FBXL13: variants seen among roughly 807,000 people sequenced by gnomAD.
FBXL13 encodes F-box and leucine-rich repeat protein 13.
Under a neutral mutation model 83.6 loss-of-function variants are expected in FBXL13, and 67 were observed. That is an observed-to-expected ratio of 0.80 (90% CI 0.66 to 0.98). The LOEUF (loss-of-function observed/expected upper bound fraction) is 0.98. Among genes scored for constraint, FBXL13 ranks in the 50% least tolerant of loss-of-function variants. The pLI is 0.00. For synonymous variants in FBXL13, 272 were observed against 299.5 expected, an observed-to-expected ratio of 0.91 and a Z score of 0.95; for missense variants, 822 against 866.5, an observed-to-expected ratio of 0.95 and a Z score of 0.64.
At chr7:102,891,521 G>C (rs1187406343) in intron 11 of FBXL13, among the ~76,000 whole-genome samples, 2 of 152,216 alleles carry the variant, frequency 1.3e-5, no homozygotes, top group Non-Finnish European at 1.5e-5. Flanking sequence ...CTGGTGCAGA[G>C]TGTTTGTTAA....
At chr7:102,985,322 C>T (rs2129483886) in intron 6 of FBXL13, among the ~76,000 whole-genome samples, 1 of 152,348 alleles carries the variant, frequency 6.6e-6, no homozygotes, top group East Asian at 1.9e-4. Flanking sequence ...GCACTTCACA[C>T]TATCCAGAAC....
intron 6 of FBXL13, among the ~76,000 whole-genome samples, chr7:103,021,944 T>C (rs1793230476): frequency 6.6e-6 from 1 of 152,116 alleles, no homozygotes; most frequent in Non-Finnish European, 1.5e-5. Context: ...GATCTAGAAC[T>C]AGAATTACCA....
At chr7:103,040,695 G>C (rs1028243609) in intron 2 of FBXL13, among the ~76,000 whole-genome samples, 1 of 152,144 alleles carries the variant, frequency 6.6e-6, no homozygotes, top group Non-Finnish European at 1.5e-5. Flanking sequence ...CAACTACATG[G>C]AAACTGAACA....
At chr7:103,011,719 G>A (rs1199308214) in intron 6 of FBXL13, among the ~76,000 whole-genome samples, 16 of 151,072 alleles carry the variant, frequency 1.1e-4, no homozygotes, top group Non-Finnish European at 2.1e-4. Context: ...ATTAACAGCA[G>A]AATCAACCAG....
intron 6 of FBXL13, among the ~76,000 whole-genome samples, chr7:102,976,438 G>A (rs970197504): frequency 2.0e-5 from 3 of 151,844 alleles, no homozygotes; most frequent in South Asian, 4.2e-4. Flanking sequence ...GCCCAACTCC[G>A]CTCCAAGGCA....
At chr7:102,987,133 T>A (rs1417443178) in intron 6 of FBXL13, among the ~76,000 whole-genome samples, 1 of 152,008 alleles carries the variant, frequency 6.6e-6, no homozygotes, top group Non-Finnish European at 1.5e-5. Context: ...AGTGGTATAA[T>A]AGACACTGGA....
At chr7:103,029,496 GA>G in intron 2 of FBXL13, 78 bp from the exon 4 acceptor site, 1 of 770,732 alleles carries the variant, frequency 1.3e-6, no homozygotes, top group Non-Finnish European at 1.9e-6. Context: ...AGATACTCAA[GA>G]AAAAGAGAGC....
At chr7:103,067,684 A>C (rs1427457480) in intron 1 of FBXL13, among the ~76,000 whole-genome samples, 1 of 152,208 alleles carries the variant, frequency 6.6e-6, no homozygotes, top group African/African-American at 2.4e-5. Flanking sequence ...TAGGTAAGGA[A>C]GCCTTCAAGA....
chr7:102,875,722 G>A (rs1297470248), intron 16 of FBXL13, among the ~76,000 whole-genome samples: 5 of 152,120 alleles, frequency 3.3e-5, no homozygotes, highest in Non-Finnish European at 7.4e-5. Context: ...GAAGCCAAAT[G>A]GGACAGTGAC....
intron 6 of FBXL13, among the ~76,000 whole-genome samples, chr7:103,023,269 C>A (rs1415528932): frequency 6.6e-6 from 1 of 152,014 alleles, no homozygotes; most frequent in Non-Finnish European, 1.5e-5. Context: ...GAATGAGACT[C>A]CGTCTCAAAC....
rs192077595 is a variant in FBXL13 at position 102,893,499 on chromosome 7, G to A, written c.1009-9187C>T. On this transcript the variant is annotated intron_variant, in intron 11 of 19. Coordinates refer to ENST00000313221, the Ensembl canonical transcript of FBXL13. ...AAGAAAGGAGAGGCTGGGCGCGGTG[G>A]CTCGCGCCTGTAATCCCAGCACTTT... 1.3e-4 allele frequency among the ~76,000 whole-genome samples: 20 copies of A among 152,298 alleles called. No individual in the cohort carries two copies. In the East Asian group the frequency reaches 3.7e-3, roughly 28 times the overall value.
chr7:102,864,083 G>C (rs111597139), intron 16 of FBXL13, among the ~76,000 whole-genome samples: 5 of 152,180 alleles, frequency 3.3e-5, no homozygotes, highest in African/African-American at 1.2e-4. Context: ...CCTACTCAGA[G>C]TTCTTCAATG....
intron 8 of FBXL13, among the ~76,000 whole-genome samples, chr7:102,946,653 TA>T (rs1223397358): frequency 2.1e-3 from 12 of 5,710 alleles, no homozygotes; most frequent in Non-Finnish European, 8.2e-3. Flanking sequence ...ATTTTTATTT[TA>T]TTTATTTATT....
chr7:102,823,985 A>G (rs1240614635), intron 18 of FBXL13, among the ~76,000 whole-genome samples: 1 of 152,256 alleles, frequency 6.6e-6, no homozygotes, highest in South Asian at 2.1e-4. Context: ...ATTGTAGAAG[A>G]AAGGAAGGAC....
At chr7:102,953,607 G>T (rs1006522928) in intron 8 of FBXL13, among the ~76,000 whole-genome samples, 4 of 152,102 alleles carry the variant, frequency 2.6e-5, no homozygotes, top group Non-Finnish European at 2.9e-5. Flanking sequence ...AATAGTGCTG[G>T]TTGCTCAACA....
At chr7:103,068,253 T>C (rs1358968002) in intron 1 of FBXL13, among the ~76,000 whole-genome samples, 1 of 152,156 alleles carries the variant, frequency 6.6e-6, no homozygotes. Context: ...ACATAGAGAT[T>C]GGTACATAAT....
chr7:102,874,817 T>TCAGTCTCC (rs1809004160), intron 16 of FBXL13, among the ~76,000 whole-genome samples: 1 of 152,198 alleles, frequency 6.6e-6, no homozygotes, highest in African/African-American at 2.4e-5. Context: ...CCCGCCTGCC[T>TCAGTCTCC]CAGTCTCCCA....
intron 1 of FBXL13, among the ~76,000 whole-genome samples, chr7:103,066,735 C>A (rs960851218): frequency 6.6e-6 from 1 of 150,806 alleles, no homozygotes; most frequent in African/African-American, 2.4e-5. Flanking sequence ...AACTTTGGTT[C>A]TAGTGAATTG....
chr7:103,001,488 GGTAAA>G (rs1047265011), intron 6 of FBXL13, among the ~76,000 whole-genome samples: 3 of 152,130 alleles, frequency 2.0e-5, no homozygotes, highest in East Asian at 3.8e-4. Flanking sequence ...CTAGACGACT[GGTAAA>G]GTATTGTTTC....
Sources: gnomAD v4.1 joint callset for allele counts (sites outside exome capture counted in the v4.1 genomes callset) on GRCh38, gnomAD v4.1.1 for gene constraint, MANE v1.5 for transcripts, NCBI Gene and HGNC (gene_info 2026-07-23, HGNC 2026-07-21) for gene names.